The following SLIT3 variants were observed in gnomAD, a reference collection of about 807,000 sequenced individuals.
SLIT3 encodes the protein slit homolog 3 protein.
In SLIT3, 68 loss-of-function variants were observed where a neutral mutation model predicts 184.0. That is an observed-to-expected ratio of 0.37 (90% CI 0.30 to 0.45). The LOEUF is 0.45. SLIT3 is among the 20% of genes least tolerant of loss of function. SLIT3 has a pLI of 1.00. For synonymous variants in SLIT3, 831 were observed against 828.6 expected (o/e 1.00, Z -0.05); for missense variants, 1,707 against 2,026.0 (o/e 0.84, Z 3.02).
rs34042363 is a variant in SLIT3, at chr5:168,840,443, A to ATT, written c.557+4139_557+4140dup. 4.7e-3 allele frequency among the ~76,000 whole-genome samples: 663 copies of ATT among 142,074 alleles called. 10 individuals are homozygous for ATT. Among genetic ancestry groups the ATT allele is most frequent in the African/African-American group, 0.015 (583 of 38,482 alleles). The allele number at this position is 142,074 out of a possible 152,430, so 93.2% of individuals were successfully genotyped here. ...CTTTTTTTTTTCATTAGAGTTAAGC[A>ATT]TTTTTTTTTTTTTCTGACCCATGAT... On this transcript the variant is annotated intron_variant, in intron 6 of 35. Coordinates refer to ENST00000519560, the MANE Select transcript of SLIT3 (RefSeq NM_003062.4).
At chr5:168,946,528 C>A (rs891844419) in intron 4 of SLIT3, among the ~76,000 whole-genome samples, 4 of 152,226 alleles carry the variant, frequency 2.6e-5, no homozygotes, top group African/African-American at 9.7e-5. Flanking sequence ...TGTTCCCCAG[C>A]CTTGTTCACG....
In SLIT3 at chr5:168,934,965, T is replaced by TA. The variant is rs59434182; in HGVS notation, c.414-51630dup. Among the ~76,000 whole-genome samples the TA allele has an allele frequency of 3.2e-3, 381 of 120,414 alleles. 2 individuals carry two copies. The highest frequency in any genetic ancestry group is 5.8e-3 in the East Asian group (24 of 4,122). 79.0% of individuals were successfully genotyped at this position (120,414 alleles called of 152,430 possible). On this transcript the variant is annotated intron_variant, in intron 4 of 35. Transcript: ENST00000519560. The stretch of plus-strand genomic sequence containing the variant: ...CAACACGGTGAAACCCCATCTCTAC[T>TA]AAAAAAAAAAAAAAAAACAAAAATT...
At position 168,752,958 on chromosome 5, in the gene SLIT3, G is replaced by A. The variant is rs1450785203; in HGVS notation, c.1970C>T (p.Thr657Ile). Residue 657 changes from threonine (T) to isoleucine (I), a missense_variant, in exon 18 of 36, where the codon ACC becomes ATC. Coordinates refer to ENST00000519560, the MANE Select transcript of SLIT3 (RefSeq NM_003062.4). ...GAFTTLVSLS[T>I]INLLSNPFNC... ...CAGTGGACCCAGGAGAACTTACATGGTGGACAGGGAGACAAGCGTGGTGAA... is the reference window on the plus strand; with the variant it reads ...CAGTGGACCCAGGAGAACTTACATGATGGACAGGGAGACAAGCGTGGTGAA... 6.8e-6 allele frequency: 11 copies of A among 1,614,094 alleles called. No individual in the cohort carries two copies. Among genetic ancestry groups the A allele is most frequent in the Non-Finnish European group, 8.5e-6 (10 of 1,179,984 alleles).
intron 23 of SLIT3, among the ~76,000 whole-genome samples, chr5:168,718,677 TACACAC>T (rs1163238928): frequency 0.014 from 1,555 of 108,658 alleles, 12 homozygotes; most frequent in African/African-American, 0.024. Flanking sequence ...TATCCACCCA[TACACAC>T]ACACACACAC....
At chr5:168,881,248 G>A (rs1759939946) in intron 5 of SLIT3, among the ~76,000 whole-genome samples, 1 of 152,290 alleles carries the variant, frequency 6.6e-6, no homozygotes, top group Admixed American at 6.5e-5. Flanking sequence ...GTCTGGGTTT[G>A]TAGAATCTTG....
rs113981496 is a variant in SLIT3, at chr5:169,163,414, T to G, written c.413+30065A>C. 8.7e-3 allele frequency among the ~76,000 whole-genome samples: 1,326 copies of G among 152,282 alleles called. 19 individuals are homozygous for G. The highest frequency in any genetic ancestry group is 0.028 in the African/African-American group (1,148 of 41,546). ...CAGACTCCAATGCATGAAGCCCAGG[T>G]TGAACTGGGAAATCCAAGTTGCACT... On this transcript the variant is annotated intron_variant, in intron 4 of 35. Coordinates refer to ENST00000519560, the MANE Select transcript of SLIT3 (RefSeq NM_003062.4).
chr5:169,082,465 C>T (rs1426736197), intron 4 of SLIT3, among the ~76,000 whole-genome samples: 1 of 152,210 alleles, frequency 6.6e-6, no homozygotes, highest in African/African-American at 2.4e-5. Flanking sequence ...AAAGCCACCT[C>T]CACCAACTAA....
chr5:169,075,585 C>T (rs923909004), intron 4 of SLIT3, among the ~76,000 whole-genome samples: 1 of 152,208 alleles, frequency 6.6e-6, no homozygotes, highest in Non-Finnish European at 1.5e-5. Flanking sequence ...GAGCTTTCTT[C>T]AAGGAAATTT....
chr5:169,295,198 C>T (rs1767463366), intron 1 of SLIT3, among the ~76,000 whole-genome samples: 1 of 152,196 alleles, frequency 6.6e-6, no homozygotes. Context: ...CCATTTTAAC[C>T]TTATGAGACC....
chr5:169,182,016 G>C (rs1373447836), intron 4 of SLIT3, among the ~76,000 whole-genome samples: 1 of 152,102 alleles, frequency 6.6e-6, no homozygotes, highest in African/African-American at 2.4e-5. Context: ...CAGAGCCCCA[G>C]ACACGCCAAC....
At position 169,154,288 on chromosome 5, in the gene SLIT3, G is replaced by T. The variant is rs1353221056; in HGVS notation, c.413+39191C>A. 2.0e-5 allele frequency among the ~76,000 whole-genome samples: 3 copies of T among 152,144 alleles called. No individual in the cohort carries two copies. The South Asian group carries it at 6.2e-4, about 32-fold the overall frequency. On this transcript the variant is annotated intron_variant, in intron 4 of 35. Coordinates refer to ENST00000519560, the MANE Select transcript of SLIT3 (RefSeq NM_003062.4). ...GCTGCCAGCCTTTTCAGAGCTCTGG[G>T]TAACATAGACTCTTAATGTTTCCAT... is the stretch of plus-strand genomic sequence containing the variant.
intron 5 of SLIT3, among the ~76,000 whole-genome samples, chr5:168,846,337 A>C (rs996939193): frequency 2.0e-5 from 3 of 152,126 alleles, no homozygotes; most frequent in African/African-American, 7.2e-5. Flanking sequence ...ACTCACACGG[A>C]GTCTCACCAC....
chr5:169,150,756 C>T (rs1273745294), intron 4 of SLIT3, among the ~76,000 whole-genome samples: 1 of 152,132 alleles, frequency 6.6e-6, no homozygotes, highest in Non-Finnish European at 1.5e-5. Context: ...TTCACATCTG[C>T]ATAAGAGAGG....
At chr5:168,767,848 T>C (rs1379667188) in intron 14 of SLIT3, among the ~76,000 whole-genome samples, 2 of 152,180 alleles carry the variant, frequency 1.3e-5, no homozygotes, top group Non-Finnish European at 1.5e-5. Context: ...TCCCTTCCAG[T>C]GGAAGAAGAG....
chr5:168,849,664 A>G (rs528567421), intron 5 of SLIT3, among the ~76,000 whole-genome samples: 4 of 152,332 alleles, frequency 2.6e-5, no homozygotes, highest in Admixed American at 2.0e-4. Flanking sequence ...GAAAGTTGCC[A>G]CCTCTGGTTT....
chr5:169,053,637 C>T (rs764461289), intron 4 of SLIT3, among the ~76,000 whole-genome samples: 1 of 152,312 alleles, frequency 6.6e-6, no homozygotes, highest in Non-Finnish European at 1.5e-5. Context: ...TAAGCATTTA[C>T]ATCTGTTTAG....
chr5:169,270,246 T>C (rs1172393764), intron 1 of SLIT3, among the ~76,000 whole-genome samples: 1 of 152,162 alleles, frequency 6.6e-6, no homozygotes, highest in Non-Finnish European at 1.5e-5. Context: ...GGCAACTTAG[T>C]GCCAGGACCG....
chr5:168,869,890 G>C (rs1235285914), intron 5 of SLIT3, among the ~76,000 whole-genome samples: 1 of 152,256 alleles, frequency 6.6e-6, no homozygotes, highest in African/African-American at 2.4e-5. Flanking sequence ...ACTGCGTACA[G>C]AGAGAACTTT....
At chr5:168,754,358 T>A (rs1424118013) in intron 16 of SLIT3, among the ~76,000 whole-genome samples, 2 of 151,810 alleles carry the variant, frequency 1.3e-5, no homozygotes, top group African/African-American at 4.8e-5. Flanking sequence ...GCACTGGAGG[T>A]CACTGTGTTA....
Sources: allele counts gnomAD v4.1 joint callset (sites outside exome capture counted in the v4.1 genomes callset), GRCh38; gene constraint gnomAD v4.1.1; transcripts MANE v1.5; gene names NCBI Gene and HGNC (gene_info 2026-07-23, HGNC 2026-07-21).